NINJ2: variants seen among roughly 807,000 people sequenced by gnomAD.
The protein encoded by NINJ2 is ninjurin 2, also known as ninjurin-2.
Under a neutral mutation model 11.7 loss-of-function variants are expected in NINJ2, and 12 were observed. The observed-to-expected ratio is 1.02, with a 90% CI of 0.66 to 1.66. NINJ2 has a LOEUF of 1.66. Ranked by LOEUF, NINJ2 falls within the 40% of genes most tolerant of loss-of-function variation. The pLI is 0.00. For synonymous variants in NINJ2, 93 were observed against 76.8 expected, an observed-to-expected ratio of 1.21 and a Z score of -1.10; for missense variants, 187 against 181.8, an observed-to-expected ratio of 1.03 and a Z score of -0.16.
At chr12:635,328 GGCATGA>G (rs145711583) in intron 1 of NINJ2, among the ~76,000 whole-genome samples, 2,685 of 152,294 alleles carry the variant, frequency 0.018, 84 homozygotes, top group African/African-American at 0.061. Flanking sequence ...TAGGATTACA[GGCATGA>G]GCCACCAGGC....
intron 1 of NINJ2, among the ~76,000 whole-genome samples, chr12:653,408 A>T (rs1378201067): frequency 1.3e-5 from 2 of 152,160 alleles, no homozygotes; most frequent in African/African-American, 4.8e-5. Flanking sequence ...TATATGTTTT[A>T]TGATGTATAC....
Position 585,002 on chromosome 12 carries a change from C to T in NINJ2, c.34-18824G>A, listed in dbSNP as rs1370682941. ...GGCGTGGTGGCGGGCCCCTGTAGTC[C>T]CACCTACTTGGGAGGCTGAGGCAGG... is the stretch of plus-strand genomic sequence containing the variant. On this transcript the variant is annotated intron_variant, in intron 1 of 3. Coordinates refer to ENST00000305108, the MANE Select transcript of NINJ2 (RefSeq NM_016533.6). This position sits in a 1 kb window ranked among gnomAD's most constrained non-coding sequence, Gnocchi z 4.1. Among the ~76,000 whole-genome samples, 1 of 152,094 alleles carries T rather than the reference C, an allele frequency of 6.6e-6. No individual in the cohort carries two copies. Among genetic ancestry groups the T allele is most frequent in the Non-Finnish European group, 1.5e-5 (1 of 68,018 alleles).
At chr12:647,813 A>C (rs1937712033) in intron 1 of NINJ2, among the ~76,000 whole-genome samples, 1 of 152,176 alleles carries the variant, frequency 6.6e-6, no homozygotes, top group African/African-American at 2.4e-5. Flanking sequence ...TTGCATTTCT[A>C]ACAAGTGATG....
intron 1 of NINJ2, among the ~76,000 whole-genome samples, chr12:584,663 G>A (rs191106517): frequency 6.6e-6 from 1 of 151,946 alleles, no homozygotes; most frequent in Admixed American, 6.6e-5. Flanking sequence ...AAATTTAGCC[G>A]GGTGTGGTGG....
chr12:617,199 A>T (rs1298153889), intron 1 of NINJ2, among the ~76,000 whole-genome samples: 1 of 151,954 alleles, frequency 6.6e-6, no homozygotes, highest in Non-Finnish European at 1.5e-5. Flanking sequence ...GCAAGACTCC[A>T]TCTCAAAAAC....
At chr12:608,604 G>A (rs1947969915) in intron 1 of NINJ2, among the ~76,000 whole-genome samples, 1 of 152,212 alleles carries the variant, frequency 6.6e-6, no homozygotes, top group Non-Finnish European at 1.5e-5. Flanking sequence ...TTTAGCCGCT[G>A]TACCCAAGCC....
At chr12:636,590 A>C (rs949339014) in intron 1 of NINJ2, among the ~76,000 whole-genome samples, 2 of 152,144 alleles carry the variant, frequency 1.3e-5, no homozygotes, top group African/African-American at 4.8e-5. Flanking sequence ...CATTTCTCCA[A>C]AGAAGACACA....
chr12:565,249 T>C lies in NINJ2; in HGVS notation c.415A>G (p.Arg139Gly). 1 of 1,613,870 alleles carries C rather than the reference T, an allele frequency of 6.2e-7. No homozygotes were observed. Among genetic ancestry groups the C allele is most frequent in the Non-Finnish European group, 8.5e-7 (1 of 1,179,838 alleles). ...CCAGGCTGCATTCAGAGAGGATTCC[T>C]TGAGGCCCTGGCAGCCAGGAACCCT... is the stretch of plus-strand genomic sequence containing the variant. Reference protein sequence around the residue: ...KTGFLAARASRNPL With the variant: ...KTGFLAARASGNPL Residue 139 changes from arginine to glycine, a missense_variant, in exon 3 of 4, where the codon AGG becomes GGG. Arg to Gly is a moderately radical substitution (Grantham distance 125). Coordinates refer to ENST00000305108, the MANE Select transcript of NINJ2 (RefSeq NM_016533.6).
At chr12:654,352 C>T (rs1937841213) in intron 1 of NINJ2, among the ~76,000 whole-genome samples, 1 of 150,974 alleles carries the variant, frequency 6.6e-6, no homozygotes, top group Non-Finnish European at 1.5e-5. Context: ...GAAACCCCGT[C>T]TCTACTAAAA....
intron 1 of NINJ2, among the ~76,000 whole-genome samples, chr12:573,051 A>C (rs1450643100): frequency 3.5e-4 from 39 of 111,928 alleles, no homozygotes; most frequent in African/African-American, 1.4e-3. Context: ...TTTGAGACAG[A>C]GTCTCGCTCT....
intron 1 of NINJ2, among the ~76,000 whole-genome samples, chr12:615,335 T>C (rs1371072402): frequency 6.6e-6 from 1 of 152,180 alleles, no homozygotes. Flanking sequence ...ATGCCTGTAA[T>C]CCCAGCACTT....
chr12:653,658 G>T (rs977444273), intron 1 of NINJ2, among the ~76,000 whole-genome samples: 13 of 151,700 alleles, frequency 8.6e-5, no homozygotes, highest in African/African-American at 2.4e-4. Context: ...GATAAAACAG[G>T]AACATATAAA....
At chr12:639,789 CAGCT>C (rs1293727941) in intron 1 of NINJ2, among the ~76,000 whole-genome samples, 1 of 152,206 alleles carries the variant, frequency 6.6e-6, no homozygotes, top group Non-Finnish European at 1.5e-5. Context: ...AGTACAGCTC[CAGCT>C]ATTAAGCTGG....
At chr12:637,835 TGGCTTATGAATACCTA>T (rs1948371243) in intron 1 of NINJ2, among the ~76,000 whole-genome samples, 1 of 152,094 alleles carries the variant, frequency 6.6e-6, no homozygotes, top group Non-Finnish European at 1.5e-5. Context: ...AATACAGCCT[TGGCTTATGAATACCTA>T]GGCACAGAAT....
intron 1 of NINJ2, among the ~76,000 whole-genome samples, chr12:635,641 AC>A (rs1592110385): frequency 6.6e-6 from 1 of 152,242 alleles, no homozygotes; most frequent in African/African-American, 2.4e-5. Context: ...ACAAGAAAAC[AC>A]GGGGAAAAAT....
At chr12:579,212 TG>T (rs1947511857) in intron 1 of NINJ2, among the ~76,000 whole-genome samples, 1 of 152,174 alleles carries the variant, frequency 6.6e-6, no homozygotes, top group African/African-American at 2.4e-5. Flanking sequence ...ATCGTCCAGG[TG>T]AGACCTCATG....
At chr12:590,217 C>T (rs1362976370) in intron 1 of NINJ2, among the ~76,000 whole-genome samples, 1 of 152,210 alleles carries the variant, frequency 6.6e-6, no homozygotes, top group Non-Finnish European at 1.5e-5. Context: ...GCTGTAGCAG[C>T]ATTTTAGCAG....
intron 1 of NINJ2, among the ~76,000 whole-genome samples, chr12:574,051 G>A (rs189813073): frequency 2.6e-5 from 4 of 152,164 alleles, no homozygotes; most frequent in South Asian, 2.1e-4. Context: ...ATGAAACCCC[G>A]TCTCTACTAA....
At chr12:654,765 G>A (rs1349312395) in intron 1 of NINJ2, among the ~76,000 whole-genome samples, 4 of 151,708 alleles carry the variant, frequency 2.6e-5, no homozygotes, top group Non-Finnish European at 5.9e-5. Flanking sequence ...GGTGACACCC[G>A]CCTGTAATCT....
Sources: gnomAD v4.1 joint callset for allele counts (sites outside exome capture counted in the v4.1 genomes callset) on GRCh38, gnomAD v4.1.1 for gene constraint, Gnocchi (gnomAD v3.1) non-coding constraint, MANE v1.5 for transcripts, NCBI Gene and HGNC (gene_info 2026-07-23, HGNC 2026-07-21) for gene names.